The following TENM2 variants were observed in gnomAD, a reference collection of about 807,000 sequenced individuals.
TENM2 encodes the protein teneurin transmembrane protein 2, also known as teneurin-2.
In TENM2, 52 loss-of-function variants were observed where a neutral mutation model predicts 245.2. The observed-to-expected ratio is 0.21, with a 90% CI of 0.17 to 0.27. The LOEUF is 0.27. Ranked by LOEUF, TENM2 falls within the 10% of genes least tolerant of loss-of-function variation. The pLI, the probability that TENM2 is intolerant of heterozygous loss-of-function variation, is 1.00. For synonymous variants in TENM2, 1,363 were observed against 1,438.9 expected (o/e 0.95, Z 1.19); for missense variants, 3,046 against 3,666.8 (o/e 0.83, Z 4.37).
At position 167,897,966 on chromosome 5, in the gene TENM2, C is replaced by T. The variant is rs1481088756; in HGVS notation, c.712+21771C>T. Among the ~76,000 whole-genome samples the T allele has an allele frequency of 2.6e-5, 4 of 151,004 alleles. No individual in the cohort carries two copies. In the East Asian group the frequency reaches 7.8e-4, roughly 29 times the overall value. On this transcript the variant is annotated intron_variant, in intron 3 of 28. Transcript: ENST00000518659. Reference sequence around the variant, plus strand: ...ACATTGGAAGCAGCATGAACTCCAGCCCCTTCGTGGTGGGCAAAGTGATTG... The same window carrying T: ...ACATTGGAAGCAGCATGAACTCCAGTCCCTTCGTGGTGGGCAAAGTGATTG...
intron 5 of TENM2, among the ~76,000 whole-genome samples, chr5:168,038,692 A>G (rs1581133540): frequency 6.6e-6 from 1 of 152,234 alleles, no homozygotes; most frequent in Non-Finnish European, 1.5e-5. Context: ...TTGTGCAGAA[A>G]TGTGAACCCT....
intron 19 of TENM2, 31 bp downstream of exon 21, chr5:168,204,652 C>T (rs1762210972): frequency 6.2e-7 from 1 of 1,606,730 alleles, no homozygotes; most frequent in East Asian, 2.2e-5. Flanking sequence ...CCTTCTTTTG[C>T]TCTCTTGCCC....
At chr5:167,114,615 A>G in the TENM2 span, among the ~76,000 whole-genome samples, 1 of 152,108 alleles carries the variant, frequency 6.6e-6, no homozygotes, top group Non-Finnish European at 1.5e-5. Flanking sequence ...TTTGCTTTTT[A>G]TTTTTTGCTT....
intron 12 of TENM2, among the ~76,000 whole-genome samples, chr5:168,136,525 T>A (rs1755064708): frequency 1.3e-5 from 2 of 152,298 alleles, no homozygotes; most frequent in South Asian, 2.1e-4. Flanking sequence ...GCTACTGAAG[T>A]CCTGCTGTGT....
the TENM2 span, among the ~76,000 whole-genome samples, chr5:167,224,975 G>C: frequency 6.6e-6 from 1 of 151,776 alleles, no homozygotes; most frequent in Non-Finnish European, 1.5e-5. Context: ...ATATAATTGG[G>C]ATTGCCTTCC....
intron 2 of TENM2, among the ~76,000 whole-genome samples, chr5:167,785,624 C>T (rs1764523657): frequency 6.6e-6 from 1 of 152,180 alleles, no homozygotes; most frequent in Non-Finnish European, 1.5e-5. Context: ...TCATAGGGTC[C>T]AGATGGTAGT....
the TENM2 span, among the ~76,000 whole-genome samples, chr5:167,050,114 A>C: frequency 9.9e-5 from 15 of 152,170 alleles, no homozygotes; most frequent in African/African-American, 3.6e-4. Flanking sequence ...TTGAGCTTGT[A>C]GAGAGAAGGG....
chr5:168,198,945 G>C, exon 16 of TENM2: 1 of 1,613,990 alleles, frequency 6.2e-7, no homozygotes, highest in Non-Finnish European at 8.5e-7. Flanking sequence ...TGGCTGCCGT[G>C]GAACAGCTTT....
At chr5:166,987,681 G>A in the TENM2 span, among the ~76,000 whole-genome samples, 17 of 152,158 alleles carry the variant, frequency 1.1e-4, no homozygotes, top group East Asian at 9.7e-4. Context: ...TTCTGATGCC[G>A]GTCATTTTTA....
chr5:168,235,635 C>A (rs1301086228), intron 25 of TENM2, among the ~76,000 whole-genome samples: 1 of 152,156 alleles, frequency 6.6e-6, no homozygotes, highest in Non-Finnish European at 1.5e-5. Flanking sequence ...GGCGAAACCC[C>A]ATCTCTACTA....
chr5:168,199,763 G>A (rs976573907), intron 16 of TENM2, 101 bp from the exon 19 acceptor site: 46 of 1,281,890 alleles, frequency 3.6e-5, no homozygotes, highest in Non-Finnish European at 4.9e-5. Context: ...CATAAGATGT[G>A]ATGCCTCAGT....
At chr5:167,992,917 C>T (rs1241690381) in intron 4 of TENM2, 27 bp from the exon 7 acceptor site, 1 of 1,593,554 alleles carries the variant, frequency 6.3e-7, no homozygotes, top group Non-Finnish European at 8.6e-7. Context: ...CCCATGACCA[C>T]TCTGACTCTT....
intron 3 of TENM2, among the ~76,000 whole-genome samples, chr5:167,942,376 G>A (rs1392784780): frequency 6.6e-6 from 1 of 152,134 alleles, no homozygotes; most frequent in African/African-American, 2.4e-5. Flanking sequence ...TTTTACAGAT[G>A]AGGATACAGA....
At chr5:167,539,970 C>T (rs1014653814) in intron 2 of TENM2, among the ~76,000 whole-genome samples, 3 of 152,114 alleles carry the variant, frequency 2.0e-5, no homozygotes, top group Non-Finnish European at 4.4e-5. Context: ...GAAGATTAAT[C>T]GCTCATGGGA....
intron 2 of TENM2, among the ~76,000 whole-genome samples, chr5:167,462,798 A>G (rs1489920439): frequency 6.6e-6 from 1 of 151,946 alleles, no homozygotes; most frequent in Non-Finnish European, 1.5e-5. Flanking sequence ...AAAAGGCAAC[A>G]TTTGAGCACA....
chr5:168,257,281 T>TG (rs1390616698), intron 27 of TENM2, among the ~76,000 whole-genome samples: 1 of 113,674 alleles, frequency 8.8e-6, no homozygotes. Context: ...GAGGTGGGGA[T>TG]GGGGGGTGGC....
At chr5:167,928,766 C>G (rs937757090) in intron 3 of TENM2, among the ~76,000 whole-genome samples, 1 of 150,684 alleles carries the variant, frequency 6.6e-6, no homozygotes, top group Non-Finnish European at 1.5e-5. Context: ...TGTGGTGGTG[C>G]GTGCCTGTAG....
chr5:168,249,281 G>T (rs1766880560), intron 27 of TENM2, among the ~76,000 whole-genome samples: 1 of 152,116 alleles, frequency 6.6e-6, no homozygotes, highest in African/African-American at 2.4e-5. Flanking sequence ...GACCTCCAGA[G>T]GCTCATCTGG....
intron 1 of TENM2, among the ~76,000 whole-genome samples, chr5:167,369,065 C>T (rs1760243447): frequency 6.6e-6 from 1 of 151,966 alleles, no homozygotes; most frequent in Non-Finnish European, 1.5e-5. Flanking sequence ...CTACAGCAGG[C>T]TGTACTTGGG....
Sources: allele counts gnomAD v4.1 joint callset (sites outside exome capture counted in the v4.1 genomes callset), GRCh38; gene constraint gnomAD v4.1.1; transcripts MANE v1.5; gene names NCBI Gene and HGNC (gene_info 2026-07-23, HGNC 2026-07-21).